CMBL: variants seen among roughly 807,000 people sequenced by gnomAD.
CMBL encodes the protein carboxymethylenebutenolidase homolog (Pseudomonas).
Under a neutral mutation model 28.7 loss-of-function variants are expected in CMBL, and 17 were observed. The observed-to-expected ratio is 0.59, with a 90% confidence interval of 0.41 to 0.89. CMBL has a LOEUF of 0.89. CMBL is among the 40% of genes least tolerant of loss of function. The pLI, the probability that CMBL is intolerant of heterozygous loss-of-function variation, is 0.00. For missense variants in CMBL, 310 were observed against 298.5 expected (o/e 1.04, Z -0.28); for synonymous variants, 106 against 101.6 (o/e 1.04, Z -0.26).
intron 1 of CMBL, among the ~76,000 whole-genome samples, chr5:10,300,226 G>A (rs927655094): frequency 6.6e-6 from 1 of 152,120 alleles, no homozygotes; most frequent in Non-Finnish European, 1.5e-5. Context: ...GAAGATGGAG[G>A]TGGAGATGGG....
intron 1 of CMBL, among the ~76,000 whole-genome samples, chr5:10,302,481 TAA>T (rs60080220): frequency 8.1e-5 from 11 of 135,302 alleles, no homozygotes; most frequent in Admixed American, 3.0e-4. Flanking sequence ...TTGTCTCTAC[TAA>T]AAAAAAAAAA....
At chr5:10,297,479 AG>A (rs1353447740) in intron 1 of CMBL, among the ~76,000 whole-genome samples, 3 of 151,322 alleles carry the variant, frequency 2.0e-5, no homozygotes, top group African/African-American at 7.3e-5. Flanking sequence ...CTGAGGCAGG[AG>A]AATCGCTTGA....
At chr5:10,293,021 C>T (rs763752617) in intron 1 of CMBL, among the ~76,000 whole-genome samples, 22 of 151,890 alleles carry the variant, frequency 1.4e-4, no homozygotes, top group Admixed American at 3.9e-4. Flanking sequence ...ACAAATACAA[C>T]GAAGAAATTA....
At position 10,278,764 on chromosome 5, in the gene CMBL, G is replaced by A. The variant is rs1368218430; in HGVS notation, c.*1689C>T. On this transcript the variant is annotated 3_prime_UTR_variant, in exon 6 of 6. Coordinates refer to ENST00000296658, the MANE Select transcript of CMBL (RefSeq NM_138809.4). The stretch of plus-strand genomic sequence containing the variant: ...TTCTTTCCCGGTCAGGGCTCTCCGG[G>A]AGAGTGGCTGTCTCAGTAGGAATAA... 6.6e-6 allele frequency among the ~76,000 whole-genome samples: 1 copy of A among 152,120 alleles called. No individual in the cohort carries two copies. Among genetic ancestry groups the A allele is most frequent in the African/African-American group, 2.4e-5 (1 of 41,416 alleles).
intron 1 of CMBL, among the ~76,000 whole-genome samples, chr5:10,291,673 A>G (rs1185418196): frequency 6.6e-6 from 1 of 152,094 alleles, no homozygotes; most frequent in Non-Finnish European, 1.5e-5. Context: ...AAACAAAAAA[A>G]AAAAGAAAAG....
chr5:10,283,616 T>C (rs912004470), intron 4 of CMBL, among the ~76,000 whole-genome samples: 62 of 152,208 alleles, frequency 4.1e-4, no homozygotes, highest in Admixed American at 1.6e-3. Context: ...TTGTCTCTAC[T>C]AAAAATACAA....
chr5:10,279,353 A>C lies in CMBL; in HGVS notation c.*1100T>G, dbSNP rs1045565409. On this transcript the variant is annotated 3_prime_UTR_variant, in exon 6 of 6. Coordinates refer to ENST00000296658, the MANE Select transcript of CMBL (RefSeq NM_138809.4). Reference sequence around the variant, plus strand: ...TCCTGTTTTGATCTCAATACTTCCCATATTGCAATATATAAATGTGACAAA... The same window carrying C: ...TCCTGTTTTGATCTCAATACTTCCCCTATTGCAATATATAAATGTGACAAA... 3 of 152,230 alleles carry C rather than the reference A, an allele frequency of 2.0e-5. No individual in the cohort carries two copies. Among genetic ancestry groups the C allele is most frequent in the Non-Finnish European group, 2.9e-5 (2 of 68,042 alleles). 9.4% of individuals were successfully genotyped at this position (152,230 alleles called of 1,614,324 possible). A position where few individuals can be genotyped will look rare whatever the true frequency, so the allele number is the denominator to read the frequency against.
At chr5:10,287,643 C>T (rs116339752) in intron 3 of CMBL, among the ~76,000 whole-genome samples, 3 of 152,080 alleles carry the variant, frequency 2.0e-5, no homozygotes, top group Admixed American at 6.6e-5. Flanking sequence ...ATGCTATCCC[C>T]GCTGGGTGCA....
chr5:10,306,000 C>T (rs1746995144), intron 1 of CMBL, among the ~76,000 whole-genome samples: 1 of 152,090 alleles, frequency 6.6e-6, no homozygotes, highest in African/African-American at 2.4e-5. Flanking sequence ...ACAACATCTG[C>T]CTATTTCTCT....
chr5:10,286,448 C>T lies in CMBL; in HGVS notation c.372G>A (p.Gln124=). The T allele has an allele frequency of 3.1e-6, 5 of 1,614,094 alleles. No individual in the cohort carries two copies. In the South Asian group the frequency reaches 4.4e-5, roughly 14 times the overall value. Reference sequence around the variant, plus strand: ...AGCAGAATCCCACGATGCCAATTTTCTGGGCATGACACTGTTGTTTCAGAT... The same window carrying T: ...AGCAGAATCCCACGATGCCAATTTTTTGGGCATGACACTGTTGTTTCAGAT... ...LKYLKQQCHA[Q]KIGIVGFCWG... is the part of the protein sequence containing the mutation. The change falls in exon 4 of 6, where the codon CAG becomes CAA. Residue 124 remains glutamine (Q), a synonymous_variant. Transcript: ENST00000296658.
rs544225765 is a variant in CMBL, at chr5:10,293,867, A to G, written c.-19-3086T>C. ...TAGTGGGATGAAATATACAAAAACA[A>G]TATGCTTTTCAGATGGTAATCAATG... On this transcript the variant is annotated intron_variant, in intron 1 of 5. Coordinates refer to ENST00000296658, the MANE Select transcript of CMBL (RefSeq NM_138809.4). 6.6e-5 allele frequency among the ~76,000 whole-genome samples: 10 copies of G among 152,372 alleles called. No individual in the cohort carries two copies. In the East Asian group the frequency reaches 1.9e-3, roughly 29 times the overall value.
chr5:10,280,673 T>G, intron 5 of CMBL, 41 bp from the exon 6 acceptor site: 2 of 1,516,176 alleles, frequency 1.3e-6, no homozygotes, highest in Non-Finnish European at 1.8e-6. Flanking sequence ...CCTTTAGTGA[T>G]ACTTTCCATT....
At position 10,296,152 on chromosome 5, in the gene CMBL, C is replaced by T. The variant is rs142266794; in HGVS notation, c.-19-5371G>A. Among the ~76,000 whole-genome samples, 541 of 152,278 alleles carry T rather than the reference C, an allele frequency of 3.6e-3. 8 individuals carry two copies. The highest frequency in any genetic ancestry group is 2.1e-3 in the East Asian group (11 of 5,196). On this transcript the variant is annotated intron_variant, in intron 1 of 5. Coordinates refer to ENST00000296658, the MANE Select transcript of CMBL (RefSeq NM_138809.4). ...TTATGTATGGGTCAACTGAGGAAAC[C>T]GCTGTGACCAGGCCACAGGTTTACA...
In CMBL at chr5:10,295,634, G is replaced by A. The variant is rs529431754; in HGVS notation, c.-19-4853C>T. Among the ~76,000 whole-genome samples, 4 of 152,314 alleles carry A rather than the reference G, an allele frequency of 2.6e-5. No homozygotes were observed. The South Asian group carries it at 6.2e-4, about 24-fold the overall frequency. ...GAGTGCCTTATATAAGGGGCCCAGA[G>A]AGCTGGCTTCCCTTCTTTCTGCTGG... On this transcript the variant is annotated intron_variant, in intron 1 of 5. Transcript: ENST00000296658.
chr5:10,300,928 G>A (rs1746888379), intron 1 of CMBL, among the ~76,000 whole-genome samples: 1 of 148,938 alleles, frequency 6.7e-6, no homozygotes, highest in South Asian at 2.1e-4. Context: ...TATGTAAAAA[G>A]ACATAGCATT....
chr5:10,294,903 T>G (rs967877602), intron 1 of CMBL, among the ~76,000 whole-genome samples: 6 of 152,146 alleles, frequency 3.9e-5, no homozygotes, highest in African/African-American at 1.4e-4. Flanking sequence ...AGATAAGGAC[T>G]TCAGTTTGGG....
At chr5:10,306,955 C>G (rs1579480126) in intron 1 of CMBL, among the ~76,000 whole-genome samples, 1 of 152,158 alleles carries the variant, frequency 6.6e-6, no homozygotes, top group Non-Finnish European at 1.5e-5. Flanking sequence ...TTTAAATGGG[C>G]TTTGAAAACA....
intron 4 of CMBL, among the ~76,000 whole-genome samples, chr5:10,285,692 T>TCTC (rs1561061894): frequency 5.5e-3 from 148 of 27,006 alleles, no homozygotes; most frequent in Non-Finnish European, 0.017. Flanking sequence ...TTCTTTCTCT[T>TCTC]TCTTTTTCTT....
intron 1 of CMBL, among the ~76,000 whole-genome samples, chr5:10,298,260 C>A (rs1448658910): frequency 6.6e-6 from 1 of 151,852 alleles, no homozygotes; most frequent in African/African-American, 2.4e-5. Context: ...GTAGGAAAGG[C>A]GAAATTTCAA....
Sources: gnomAD v4.1 joint callset for allele counts (sites outside exome capture counted in the v4.1 genomes callset) on GRCh38, gnomAD v4.1.1 for gene constraint, MANE v1.5 for transcripts, NCBI Gene and HGNC (gene_info 2026-07-23, HGNC 2026-07-21) for gene names.